MOSMO: variants seen among roughly 807,000 people sequenced by gnomAD.
MOSMO encodes modulator of smoothened protein.
In MOSMO, 5 loss-of-function variants were observed where a neutral mutation model predicts 18.4. The ratio of observed to expected loss-of-function variants is 0.27; its 90% CI spans 0.14 to 0.57. The LOEUF is 0.57. Among genes scored for constraint, MOSMO ranks in the 20% least tolerant of loss-of-function variants. The pLI is 0.92. For missense variants in MOSMO, 138 were observed against 211.8 expected (o/e 0.65, Z 2.16); for synonymous variants, 82 against 82.3 (o/e 1.00, Z 0.02).
intron 1 of MOSMO, among the ~76,000 whole-genome samples, chr16:22,023,194 A>T (rs1056904924): frequency 2.6e-5 from 4 of 152,204 alleles, no homozygotes; most frequent in Non-Finnish European, 5.9e-5. Flanking sequence ...ATATCAGCCT[A>T]CTAAATCACC....
At position 22,082,062 on chromosome 16, in the gene MOSMO, A is replaced by G. The variant is rs866877899; in HGVS notation, c.*1182A>G. 5 of 152,252 alleles carry G rather than the reference A, an allele frequency of 3.3e-5. No homozygotes were observed. The highest frequency in any genetic ancestry group is 2.6e-4 in the Admixed American group (4 of 15,294). 9.4% of individuals were successfully genotyped at this position (152,252 alleles called of 1,614,324 possible). A position where few individuals can be genotyped will look rare whatever the true frequency, so the allele number is the denominator to read the frequency against. ...GTCTGTTACATTAATAATGCATTTT[A>G]TATGTTCAGGCACACTTTACATAAA... is the stretch of plus-strand genomic sequence containing the variant. On this transcript the variant is annotated 3_prime_UTR_variant, in exon 3 of 3. Coordinates refer to ENST00000542527, the MANE Select transcript of MOSMO (RefSeq NM_001164579.2).
chr16:22,082,558 T>C lies in MOSMO; in HGVS notation c.*1678T>C, dbSNP rs1045221668. The C allele has an allele frequency of 1.3e-5, 2 of 152,280 alleles. No homozygotes were observed. The highest frequency in any genetic ancestry group is 4.1e-4 in the South Asian group (2 of 4,826). The allele number at this position is 152,280 out of a possible 1,614,324, so 9.4% of individuals were successfully genotyped here. ...ATGACTCCCTGTCAGTAGAGTCCCA[T>C]GTGGCCCATGCTTCACACAAGCAGA... On this transcript the variant is annotated 3_prime_UTR_variant, in exon 3 of 3. Transcript: ENST00000542527.
In MOSMO at chr16:22,075,771, A is replaced by C. The variant is rs979319447; in HGVS notation, c.319+72A>C. ...CACTGGTATTTTTATGAAGATAATCAAGAATCAGTAATAAGGACTTCATAA... is the reference window on the plus strand; with the variant it reads ...CACTGGTATTTTTATGAAGATAATCCAGAATCAGTAATAAGGACTTCATAA... On this transcript the variant is annotated intron_variant, in intron 2 of 2. Coordinates refer to ENST00000542527, the MANE Select transcript of MOSMO (RefSeq NM_001164579.2). 4 of 1,108,966 alleles carry C rather than the reference A, an allele frequency of 3.6e-6. No homozygotes were observed. The African/African-American group carries it at 4.6e-5, about 13-fold the overall frequency. 68.7% of individuals were successfully genotyped at this position (1,108,966 alleles called of 1,614,324 possible).
intron 1 of MOSMO, among the ~76,000 whole-genome samples, chr16:22,067,710 C>A (rs1254213804): frequency 6.6e-6 from 1 of 151,948 alleles, no homozygotes; most frequent in African/African-American, 2.4e-5. Flanking sequence ...AGAAACATCT[C>A]TACTAAAAAT....
chr16:22,054,322 C>G (rs1344398927), intron 1 of MOSMO, among the ~76,000 whole-genome samples: 1 of 152,170 alleles, frequency 6.6e-6, no homozygotes, highest in Non-Finnish European at 1.5e-5. Context: ...TCTCGAACAC[C>G]TGGGCTCAGG....
At chr16:22,049,305 A>C (rs1900377856) in intron 1 of MOSMO, among the ~76,000 whole-genome samples, 1 of 152,032 alleles carries the variant, frequency 6.6e-6, no homozygotes, top group Admixed American at 6.6e-5. Flanking sequence ...GGCTCAAGTG[A>C]CCTTCTTGCC....
intron 1 of MOSMO, among the ~76,000 whole-genome samples, chr16:22,045,447 G>A (rs946689755): frequency 1.4e-4 from 21 of 152,048 alleles, no homozygotes; most frequent in African/African-American, 4.8e-4. Flanking sequence ...GGGCCTTGAT[G>A]GGTAGTAAAA....
rs11646360 is a variant in MOSMO at position 22,083,268 on chromosome 16, A to G, written c.*2388A>G. 1,462 of 152,640 alleles carry G rather than the reference A, an allele frequency of 9.6e-3. 9 individuals are homozygous for G. The highest frequency in any genetic ancestry group is 0.015 in the Non-Finnish European group (1,007 of 68,278). The allele number at this position is 152,640 out of a possible 1,614,324, so 9.5% of individuals were successfully genotyped here. On this transcript the variant is annotated 3_prime_UTR_variant, in exon 3 of 3. Transcript: ENST00000542527. ...TGGTGGTATTGCATTTAAGATTACAAAATTTAAGGTTTTATTTGTATCTAT... is the reference window on the plus strand; with the variant it reads ...TGGTGGTATTGCATTTAAGATTACAGAATTTAAGGTTTTATTTGTATCTAT...
downstream of MOSMO, among the ~76,000 whole-genome samples, chr16:22,086,624 T>C (rs560711688): frequency 6.6e-6 from 1 of 152,218 alleles, no homozygotes; most frequent in Non-Finnish European, 1.5e-5. Context: ...CTTGGTTTTT[T>C]CATCTGTAGA....
At chr16:22,047,236 T>C (rs1351982457) in intron 1 of MOSMO, among the ~76,000 whole-genome samples, 1 of 147,240 alleles carries the variant, frequency 6.8e-6, no homozygotes, top group African/African-American at 2.5e-5. Flanking sequence ...TTATGCACCA[T>C]AATTTTTTTT....
chr16:22,025,321 A>C (rs1343052119), intron 1 of MOSMO, among the ~76,000 whole-genome samples: 3 of 152,156 alleles, frequency 2.0e-5, no homozygotes, highest in Non-Finnish European at 2.9e-5. Flanking sequence ...CCTTAGCTAT[A>C]GTCTTTTCGG....
chr16:22,025,275 T>C (rs1899853648), intron 1 of MOSMO, among the ~76,000 whole-genome samples: 2 of 152,184 alleles, frequency 1.3e-5, no homozygotes, highest in South Asian at 4.1e-4. Context: ...ACTATGTAAG[T>C]GTCAACTAAA....
chr16:22,016,981 G>A (rs1267626923), intron 1 of MOSMO, among the ~76,000 whole-genome samples: 1 of 152,188 alleles, frequency 6.6e-6, no homozygotes, highest in Non-Finnish European at 1.5e-5. Context: ...GTGAAAATAA[G>A]TTTGAAATAT....
Position 22,017,230 on chromosome 16 carries a change from G to T in MOSMO, c.106+8823G>T, listed in dbSNP as rs551541846. Among the ~76,000 whole-genome samples, 15 of 152,260 alleles carry T rather than the reference G, an allele frequency of 9.9e-5. No individual in the cohort carries two copies. In the East Asian group the frequency reaches 2.7e-3, roughly 27 times the overall value. On this transcript the variant is annotated intron_variant, in intron 1 of 2. Transcript: ENST00000542527. ...ATTGTCACCATTGAATTATAAATAA[G>T]AACTTGTTCGTGCAACCTGAATGCA...
rs143082735 is a variant in MOSMO at position 22,017,713 on chromosome 16, T to C, written c.106+9306T>C. ...AATAGGTACCTGGATTAAAACCATT[T>C]TTCAATAATATACCCTTACTGTGTA... On this transcript the variant is annotated intron_variant, in intron 1 of 2. Transcript: ENST00000542527. 2.7e-3 allele frequency among the ~76,000 whole-genome samples: 411 copies of C among 152,304 alleles called. 4 individuals are homozygous for C. The highest frequency in any genetic ancestry group is 0.01 in the Middle Eastern group (3 of 294).
At chr16:22,019,224 T>C (rs1423554983) in intron 1 of MOSMO, among the ~76,000 whole-genome samples, 1 of 152,196 alleles carries the variant, frequency 6.6e-6, no homozygotes, top group East Asian at 1.9e-4. Context: ...CTTATAATAC[T>C]TTCTGGCCTT....
rs941860631 is a variant in MOSMO, at chr16:22,061,024, C to T, written c.107-14463C>T. ...AATGAAAACGGGTCTTTACAAAGACCTGTATGCAAATGTTTATAGTAGCCT... is the reference window on the plus strand; with the variant it reads ...AATGAAAACGGGTCTTTACAAAGACTTGTATGCAAATGTTTATAGTAGCCT... On this transcript the variant is annotated intron_variant, in intron 1 of 2. Transcript: ENST00000542527. 3.3e-5 allele frequency among the ~76,000 whole-genome samples: 5 copies of T among 152,122 alleles called. No individual in the cohort carries two copies. The East Asian group carries it at 9.6e-4, about 29-fold the overall frequency.
chr16:22,038,482 T>A (rs1418145350), intron 1 of MOSMO, among the ~76,000 whole-genome samples: 1 of 152,038 alleles, frequency 6.6e-6, no homozygotes, highest in Non-Finnish European at 1.5e-5. Flanking sequence ...AACAGAGGGA[T>A]AGATTTTAGG....
chr16:22,065,717 A>T (rs1900736306), intron 1 of MOSMO, among the ~76,000 whole-genome samples: 1 of 152,154 alleles, frequency 6.6e-6, no homozygotes, highest in African/African-American at 2.4e-5. Context: ...ATCTTGTTTA[A>T]TTCTCACACA....
Sources: gnomAD v4.1 joint callset for allele counts (sites outside exome capture counted in the v4.1 genomes callset) on GRCh38, gnomAD v4.1.1 for gene constraint, MANE v1.5 for transcripts, NCBI Gene and HGNC (gene_info 2026-07-23, HGNC 2026-07-21) for gene names.